Variants in CNTNAP3 observed in about 807,000 individuals in gnomAD.
CNTNAP3 encodes contactin associated protein family member 3, also known as contactin-associated protein-like 3.
Under a neutral mutation model 92.1 loss-of-function variants are expected in CNTNAP3, and 36 were observed. The observed-to-expected ratio is 0.39, with a 90% CI of 0.30 to 0.52. The LOEUF (loss-of-function observed/expected upper bound fraction) is 0.52, where lower values mean the gene tolerates loss of function less well. Among genes scored for constraint, CNTNAP3 ranks in the 20% least tolerant of loss-of-function variants. CNTNAP3 has a pLI of 0.76. For missense variants in CNTNAP3, 534 were observed against 1,069.6 expected (o/e 0.50, Z 6.98); for synonymous variants, 232 against 422.3 (o/e 0.55, Z 5.53).
Position 39,256,191 on chromosome 9 carries a change from A to G in CNTNAP3, c.196+10705T>C, listed in dbSNP as rs562800151. On this transcript the variant is annotated intron_variant, in intron 2 of 23. Coordinates refer to ENST00000297668, the MANE Select transcript of CNTNAP3 (RefSeq NM_033655.5). ...GGAATTTGTCCAAAGTCACGCAGCT[A>G]GTAAGGGGTAGAGCCTGGATGATTC... 4.2e-4 allele frequency among the ~76,000 whole-genome samples: 11 copies of G among 26,022 alleles called. 5 individuals are homozygous for G. The highest frequency in any genetic ancestry group is 0.013 in the South Asian group (2 of 158). 17.1% of individuals were successfully genotyped at this position (26,022 alleles called of 152,430 possible).
chr9:39,104,505 C>T (rs1826551846), intron 15 of CNTNAP3, among the ~76,000 whole-genome samples: 2 of 150,870 alleles, frequency 1.3e-5, no homozygotes, highest in Admixed American at 6.6e-5. Context: ...CACACACACA[C>T]ACACACACAC....
At chr9:39,122,249 G>A (rs1273785562) in intron 13 of CNTNAP3, among the ~76,000 whole-genome samples, 1 of 152,258 alleles carries the variant, frequency 6.6e-6, no homozygotes, top group Non-Finnish European at 1.5e-5. Context: ...CAGCTACTCG[G>A]GAGGCTGAGG....
intron 23 of CNTNAP3, among the ~76,000 whole-genome samples, chr9:39,077,838 A>G (rs1191227865): frequency 6.6e-6 from 1 of 152,186 alleles, no homozygotes; most frequent in African/African-American, 2.4e-5. Flanking sequence ...TGTTCTTCAA[A>G]AAAAATTGTT....
At chr9:39,095,441 A>G (rs2778234) in intron 18 of CNTNAP3, among the ~76,000 whole-genome samples, 33,093 of 148,246 alleles carry the variant, frequency 0.22, 4,037 homozygotes, top group East Asian at 0.37. Flanking sequence ...TATGATGTTA[A>G]TTGCAGGTTT....
chr9:39,127,827 T>G, intron 13 of CNTNAP3, among the ~76,000 whole-genome samples: 1 of 152,056 alleles, frequency 6.6e-6, no homozygotes, highest in East Asian at 1.9e-4. Flanking sequence ...GAATTCTTTT[T>G]GTTTTGTTTT....
At chr9:39,112,052 A>G (rs1267978739) in intron 14 of CNTNAP3, among the ~76,000 whole-genome samples, 1 of 136,060 alleles carries the variant, frequency 7.3e-6, no homozygotes, top group African/African-American at 3.1e-5. Flanking sequence ...CTTTTCTATT[A>G]TTTTCTAAAG....
chr9:39,179,286 TAC>T (rs4057871), intron 4 of CNTNAP3, among the ~76,000 whole-genome samples: 3,590 of 80,708 alleles, frequency 0.044, 126 homozygotes, highest in South Asian at 0.072. Context: ...TCTCTCTCTC[TAC>T]ACACACACAC....
intron 13 of CNTNAP3, 73 bp downstream of exon 13, chr9:39,132,859 C>T: frequency 1.4e-6 from 2 of 1,468,520 alleles, no homozygotes; most frequent in Non-Finnish European, 1.8e-6. Flanking sequence ...TTTTCTCCCT[C>T]AAACGCATCT....
chr9:39,150,061 C>A, intron 9 of CNTNAP3, 84 bp from the exon 10 acceptor site: 3 of 943,008 alleles, frequency 3.2e-6, no homozygotes, highest in Non-Finnish European at 4.7e-6. Flanking sequence ...GACTGCTGCT[C>A]CCGCTTGTTT....
At chr9:39,166,491 ATGAT>A (rs1330799275) in intron 8 of CNTNAP3, among the ~76,000 whole-genome samples, 1 of 141,800 alleles carries the variant, frequency 7.1e-6, no homozygotes, top group Non-Finnish European at 1.6e-5. Context: ...TACGTCAAGA[ATGAT>A]TGTGAAAAGT....
At position 39,194,781 on chromosome 9, in the gene CNTNAP3, CTTTTTT is replaced by C. The variant is rs1170423558; in HGVS notation, c.391-1512_391-1507del. ...GCCAATTCCAAGATAATCATTTCAC[CTTTTTT>C]TTTTTTTTTTTTTTTTTTTTTCTGA... On this transcript the variant is annotated intron_variant, in intron 3 of 23. Coordinates refer to ENST00000297668, the MANE Select transcript of CNTNAP3 (RefSeq NM_033655.5). Among the ~76,000 whole-genome samples the C allele has an allele frequency of 3.1e-3, 4 of 1,276 alleles. 1 individual carries two copies. The highest frequency in any genetic ancestry group is 4.2e-3 in the Non-Finnish European group (3 of 720). The allele number at this position is 1,276 out of a possible 152,430, so 0.8% of individuals were successfully genotyped here. A position where few individuals can be genotyped will look rare whatever the true frequency, so the allele number is the denominator to read the frequency against.
Position 39,139,707 on chromosome 9 carries a change from T to C in CNTNAP3, c.1876+812A>G, listed in dbSNP as rs1388782451. ...TGTAACTATTTAAAAGGCATTCTAG[T>C]GCAATCTTCTATAATCAAGCTGTGT... On this transcript the variant is annotated intron_variant, in intron 12 of 23. Transcript: ENST00000297668. 3 of 151,964 alleles carry C rather than the reference T, an allele frequency of 2.0e-5. No individual in the cohort carries two copies. The East Asian group carries it at 5.8e-4, about 29-fold the overall frequency. The allele number at this position is 151,964 out of a possible 1,614,324, so 9.4% of individuals were successfully genotyped here. A position where few individuals can be genotyped will look rare whatever the true frequency, so the allele number is the denominator to read the frequency against.
Position 39,078,507 on chromosome 9 carries a change from C to T in CNTNAP3, c.3674-51G>A, listed in dbSNP as rs759064715. On this transcript the variant is annotated intron_variant, in intron 22 of 23. Coordinates refer to ENST00000297668, the MANE Select transcript of CNTNAP3 (RefSeq NM_033655.5). ...GTTTATTAGCTTGATTTAATCACGC[C>T]ACAATTTACACATAGCAAACTTGTC... 18 of 1,611,628 alleles carry T rather than the reference C, an allele frequency of 1.1e-5. No individual in the cohort carries two copies. The Admixed American group carries it at 1.2e-4, about 10-fold the overall frequency.
At chr9:39,143,306 A>G (rs530580161) in intron 11 of CNTNAP3, among the ~76,000 whole-genome samples, 1,783 of 152,076 alleles carry the variant, frequency 0.012, 36 homozygotes, top group African/African-American at 0.04. Flanking sequence ...GTTGGTTACA[A>G]GAGACTCGGG....
At chr9:39,120,813 G>A (rs1321659337) in intron 13 of CNTNAP3, among the ~76,000 whole-genome samples, 1 of 151,946 alleles carries the variant, frequency 6.6e-6, no homozygotes, top group East Asian at 1.9e-4. Context: ...TGGAACATCA[G>A]GAAAAAAATG....
chr9:39,096,122 T>G (rs1826320631), intron 18 of CNTNAP3, among the ~76,000 whole-genome samples: 1 of 104,904 alleles, frequency 9.5e-6, no homozygotes, highest in African/African-American at 3.4e-5. Context: ...ACAATGAAAA[T>G]ATATACATTA....
In CNTNAP3 at chr9:39,124,913, C is replaced by G. The variant is rs544846706; in HGVS notation, c.2081-6654G>C. On this transcript the variant is annotated intron_variant, in intron 13 of 23. Coordinates refer to ENST00000297668, the MANE Select transcript of CNTNAP3 (RefSeq NM_033655.5). Reference sequence around the variant, plus strand: ...GAACACTTTTACACTGTTGGTGGGACTGTAAACTAGTTCAACCATTGTGGA... The same window carrying G: ...GAACACTTTTACACTGTTGGTGGGAGTGTAAACTAGTTCAACCATTGTGGA... 1.9e-3 allele frequency among the ~76,000 whole-genome samples: 295 copies of G among 152,030 alleles called. 1 individual carries two copies. Among genetic ancestry groups the G allele is most frequent in the African/African-American group, 6.7e-3 (278 of 41,508 alleles).
chr9:39,095,457 A>G (rs1392387946), intron 18 of CNTNAP3, among the ~76,000 whole-genome samples: 2 of 150,502 alleles, frequency 1.3e-5, no homozygotes, highest in Non-Finnish European at 3.0e-5. Flanking sequence ...GGTTTTTCAT[A>G]TATGGCCTTT....
chr9:39,137,659 C>T (rs1436572836), intron 12 of CNTNAP3, among the ~76,000 whole-genome samples: 1 of 151,900 alleles, frequency 6.6e-6, no homozygotes, highest in East Asian at 1.9e-4. Context: ...ACTACAGGCA[C>T]CCGCCACTAT....
Sources: allele counts gnomAD v4.1 joint callset (sites outside exome capture counted in the v4.1 genomes callset), GRCh38; gene constraint gnomAD v4.1.1; transcripts MANE v1.5; gene names NCBI Gene and HGNC (gene_info 2026-07-23, HGNC 2026-07-21).